Variants in SLC24A2 observed in about 807,000 individuals in gnomAD.
SLC24A2 encodes sodium/potassium/calcium exchanger 2.
Under a neutral mutation model 62.0 loss-of-function variants are expected in SLC24A2, and 36 were observed. The ratio of observed to expected loss-of-function variants is 0.58; its 90% CI spans 0.44 to 0.77. SLC24A2 has a LOEUF of 0.77. Ranked by LOEUF, SLC24A2 falls within the 30% of genes least tolerant of loss-of-function variation. The pLI is 0.00. For missense variants in SLC24A2, 846 were observed against 817.9 expected (o/e 1.03, Z -0.42); for synonymous variants, 358 against 294.0 (o/e 1.22, Z -2.23).
chr9:20,232,621 T>C, the SLC24A2 span, among the ~76,000 whole-genome samples: 1 of 152,200 alleles, frequency 6.6e-6, no homozygotes, highest in Non-Finnish European at 1.5e-5. Context: ...TTGATTCTTC[T>C]CTCTTTTCTT....
the SLC24A2 span, among the ~76,000 whole-genome samples, chr9:20,047,789 A>G: frequency 1.5e-4 from 23 of 151,222 alleles, no homozygotes; most frequent in Admixed American, 1.5e-3. Context: ...ACCTCCTAAT[A>G]CCATCACCTT....
the SLC24A2 span, among the ~76,000 whole-genome samples, chr9:20,134,752 C>T: frequency 1.3e-5 from 2 of 152,096 alleles, no homozygotes; most frequent in Non-Finnish European, 2.9e-5. Context: ...ACCTGGGCCA[C>T]TAAACAGTCT....
chr9:19,607,718 C>CAAAAA (rs769291086), intron 4 of SLC24A2, among the ~76,000 whole-genome samples: 2 of 67,178 alleles, frequency 3.0e-5, no homozygotes, highest in Admixed American at 1.6e-4. Context: ...GACTCTGTCT[C>CAAAAA]AAAAAAAAAA....
At chr9:19,638,789 TTAAATAAGATG>T (rs1818420604) in intron 2 of SLC24A2, among the ~76,000 whole-genome samples, 1 of 151,722 alleles carries the variant, frequency 6.6e-6, no homozygotes, top group Non-Finnish European at 1.5e-5. Flanking sequence ...TAAGATGACA[TTAAATAAGATG>T]ACATACGTAA....
chr9:19,666,698 A>G (rs1384736783), intron 2 of SLC24A2, among the ~76,000 whole-genome samples: 2 of 152,102 alleles, frequency 1.3e-5, no homozygotes, highest in Non-Finnish European at 2.9e-5. Flanking sequence ...CTTTCTCTTG[A>G]CTAGCAGCTT....
At chr9:20,136,965 G>C in the SLC24A2 span, among the ~76,000 whole-genome samples, 2 of 152,106 alleles carry the variant, frequency 1.3e-5, no homozygotes, top group African/African-American at 2.4e-5. Flanking sequence ...AGCAAAAAGG[G>C]TGTGTTTACG....
chr9:19,526,803 T>A (rs1449147677), intron 9 of SLC24A2, among the ~76,000 whole-genome samples: 1 of 151,998 alleles, frequency 6.6e-6, no homozygotes, highest in East Asian at 1.9e-4. Context: ...GTTTTCCTTT[T>A]CCTTTTTAAT....
chr9:19,902,345 C>A, the SLC24A2 span, among the ~76,000 whole-genome samples: 1 of 152,130 alleles, frequency 6.6e-6, no homozygotes, highest in African/African-American at 2.4e-5. Flanking sequence ...ATTTTCAAGG[C>A]AGGCAAATGG....
the SLC24A2 span, among the ~76,000 whole-genome samples, chr9:20,019,919 C>T: frequency 3.4e-5 from 5 of 146,988 alleles, no homozygotes; most frequent in Admixed American, 2.7e-4. Flanking sequence ...AGGATAAGAA[C>T]AGACACTTCT....
At chr9:19,574,820 C>T (rs1342390490) in intron 6 of SLC24A2, among the ~76,000 whole-genome samples, 6 of 152,092 alleles carry the variant, frequency 3.9e-5, no homozygotes, top group East Asian at 1.9e-4. Context: ...ATTGAAAGCA[C>T]ACACTCTGGC....
the SLC24A2 span, among the ~76,000 whole-genome samples, chr9:19,968,237 C>T: frequency 6.6e-6 from 1 of 152,126 alleles, no homozygotes; most frequent in Non-Finnish European, 1.5e-5. Context: ...CTGAGCACAC[C>T]AGGGAGCCCA....
At chr9:19,569,899 G>A (rs1835789148) in intron 7 of SLC24A2, among the ~76,000 whole-genome samples, 1 of 152,106 alleles carries the variant, frequency 6.6e-6, no homozygotes, top group Non-Finnish European at 1.5e-5. Context: ...CCTTTGGCTG[G>A]CTCCTTCTTG....
the SLC24A2 span, among the ~76,000 whole-genome samples, chr9:20,042,278 C>T: frequency 6.6e-6 from 1 of 152,180 alleles, no homozygotes; most frequent in Non-Finnish European, 1.5e-5. Flanking sequence ...AAAAGAACAA[C>T]TTCACTTAAA....
chr9:20,155,543 T>C, the SLC24A2 span, among the ~76,000 whole-genome samples: 14 of 151,852 alleles, frequency 9.2e-5, no homozygotes, highest in African/African-American at 3.1e-4. Flanking sequence ...GCCAAGAATA[T>C]GTGGTTTTTG....
the SLC24A2 span, among the ~76,000 whole-genome samples, chr9:20,073,832 C>T: frequency 6.7e-6 from 1 of 149,754 alleles, no homozygotes; most frequent in African/African-American, 2.5e-5. Context: ...AATACTAATA[C>T]AAACTTCATA....
At chr9:19,917,864 T>A in the SLC24A2 span, among the ~76,000 whole-genome samples, 2 of 152,156 alleles carry the variant, frequency 1.3e-5, no homozygotes, top group Non-Finnish European at 2.9e-5. Flanking sequence ...AGTAGAATAT[T>A]TAGAACTTTA....
intron 8 of SLC24A2, among the ~76,000 whole-genome samples, chr9:19,542,220 T>G (rs1834302956): frequency 6.6e-6 from 1 of 152,206 alleles, no homozygotes; most frequent in African/African-American, 2.4e-5. Context: ...TCGGCCATCT[T>G]GGCTCCTCCC....
the SLC24A2 span, among the ~76,000 whole-genome samples, chr9:20,026,180 C>G: frequency 6.6e-6 from 1 of 152,034 alleles, no homozygotes; most frequent in East Asian, 1.9e-4. Context: ...CTACAGGGGC[C>G]TGATTATAAT....
intron 2 of SLC24A2, among the ~76,000 whole-genome samples, chr9:19,772,469 T>C (rs925521513): frequency 1.3e-5 from 2 of 152,184 alleles, no homozygotes; most frequent in Non-Finnish European, 2.9e-5. Flanking sequence ...TTGCAAACCA[T>C]ATATCTGATA....
Sources: gnomAD v4.1 joint callset for allele counts (sites outside exome capture counted in the v4.1 genomes callset) on GRCh38, gnomAD v4.1.1 for gene constraint, MANE v1.5 for transcripts, NCBI Gene and HGNC (gene_info 2026-07-23, HGNC 2026-07-21) for gene names.